The following TMEM232 variants were observed in gnomAD, a reference collection of about 807,000 sequenced individuals.
The protein encoded by TMEM232 is transmembrane protein 232.
Under a neutral mutation model 78.8 loss-of-function variants are expected in TMEM232, and 80 were observed. That is an observed-to-expected ratio of 1.01 (90% CI 0.85 to 1.22). The LOEUF is 1.22. Among genes scored for constraint, TMEM232 ranks in the 50% most tolerant of loss-of-function variants. The pLI, the probability that TMEM232 is intolerant of heterozygous loss-of-function variation, is 0.00. For synonymous variants in TMEM232, 297 were observed against 254.3 expected (o/e 1.17, Z -1.60); for missense variants, 881 against 742.2 (o/e 1.19, Z -2.17).
intron 12 of TMEM232, among the ~76,000 whole-genome samples, chr5:110,454,062 T>A (rs1760611823): frequency 6.6e-6 from 1 of 152,266 alleles, no homozygotes; most frequent in East Asian, 1.9e-4. Context: ...GTAATTATAC[T>A]TGGGTAGTTC....
At chr5:110,700,562 T>C (rs1322822561) in intron 1 of TMEM232, among the ~76,000 whole-genome samples, 2 of 151,996 alleles carry the variant, frequency 1.3e-5, no homozygotes, top group Non-Finnish European at 2.9e-5. Flanking sequence ...CATCTAAATG[T>C]GTCTGTTATT....
At chr5:110,517,245 T>G (rs1768811516) in intron 12 of TMEM232, among the ~76,000 whole-genome samples, 1 of 152,162 alleles carries the variant, frequency 6.6e-6, no homozygotes, top group African/African-American at 2.4e-5. Context: ...ATTCACTCTA[T>G]TAATTCGATT....
At chr5:110,559,417 G>A (rs1359215784) in intron 11 of TMEM232, among the ~76,000 whole-genome samples, 8 of 151,948 alleles carry the variant, frequency 5.3e-5, no homozygotes, top group Non-Finnish European at 1.0e-4. Context: ...CTAAAAAGTA[G>A]AAGAAAATAT....
At chr5:110,696,566 C>G (rs1794809566) in intron 1 of TMEM232, among the ~76,000 whole-genome samples, 1 of 152,134 alleles carries the variant, frequency 6.6e-6, no homozygotes, top group South Asian at 2.1e-4. Flanking sequence ...ATAGTCTCAG[C>G]CCAAAATCTC....
At chr5:110,678,695 C>A (rs1369322206) in intron 1 of TMEM232, among the ~76,000 whole-genome samples, 1 of 151,494 alleles carries the variant, frequency 6.6e-6, no homozygotes, top group African/African-American at 2.4e-5. Flanking sequence ...AGCACCCCGA[C>A]CCCCCACCAT....
At chr5:110,635,871 T>G (rs550184830) in intron 5 of TMEM232, among the ~76,000 whole-genome samples, 21 of 152,068 alleles carry the variant, frequency 1.4e-4, no homozygotes, top group East Asian at 3.9e-4. Context: ...AAACTAAAAA[T>G]AGAACTACCA....
intron 1 of TMEM232, among the ~76,000 whole-genome samples, chr5:110,714,478 TG>T (rs960618230): frequency 2.6e-5 from 4 of 152,172 alleles, no homozygotes. Context: ...ATTCTCAGTT[TG>T]GGGTAAGTTT....
In TMEM232 at chr5:110,714,579, T is replaced by C. The variant is rs187017031; in HGVS notation, c.-13+12048A>G. Among the ~76,000 whole-genome samples the C allele has an allele frequency of 3.1e-3, 472 of 152,272 alleles. 3 individuals carry two copies. Among genetic ancestry groups the C allele is most frequent in the African/African-American group, 0.011 (452 of 41,556 alleles). On this transcript the variant is annotated intron_variant, in intron 1 of 13. Transcript: ENST00000455884. Reference sequence around the variant, plus strand: ...GGTGTAATGTCTGTTATTTAACCTTTTAGTTGACACAATGTCCAATACACA... The same window carrying C: ...GGTGTAATGTCTGTTATTTAACCTTCTAGTTGACACAATGTCCAATACACA...
intron 2 of TMEM232, among the ~76,000 whole-genome samples, chr5:110,406,979 A>C (rs1472002188): frequency 1.3e-5 from 2 of 152,076 alleles, no homozygotes; most frequent in Non-Finnish European, 2.9e-5. Context: ...CCACAATGCA[A>C]AAATCTGAAA....
intron 12 of TMEM232, among the ~76,000 whole-genome samples, chr5:110,447,457 C>T (rs1184935957): frequency 6.6e-6 from 1 of 152,082 alleles, no homozygotes; most frequent in Non-Finnish European, 1.5e-5. Context: ...ATTTGTAAAT[C>T]TTATCTGTTG....
At chr5:110,693,673 C>T (rs1440256525) in intron 1 of TMEM232, among the ~76,000 whole-genome samples, 2 of 152,030 alleles carry the variant, frequency 1.3e-5, no homozygotes, top group Admixed American at 1.3e-4. Flanking sequence ...GCCTCAGTAG[C>T]CGATGTGATC....
chr5:110,629,849 A>G (rs1561417791), intron 5 of TMEM232, among the ~76,000 whole-genome samples: 2 of 152,180 alleles, frequency 1.3e-5, no homozygotes, highest in African/African-American at 2.4e-5. Context: ...GCAGAAGTCA[A>G]TCATTAAGAA....
Position 110,696,011 on chromosome 5 carries a change from T to A in TMEM232, c.-12-28647A>T, listed in dbSNP as rs188671467. ...CAGAGACAAAACAAAAAAAGAGAATTTTAGACCAATATTCCTGATGAACAT... is the reference window on the plus strand; with the variant it reads ...CAGAGACAAAACAAAAAAAGAGAATATTAGACCAATATTCCTGATGAACAT... On this transcript the variant is annotated intron_variant, in intron 1 of 13. Coordinates refer to ENST00000455884, the MANE Select transcript of TMEM232 (RefSeq NM_001039763.4). Among the ~76,000 whole-genome samples, 483 of 152,220 alleles carry A rather than the reference T, an allele frequency of 3.2e-3. 1 individual carries two copies. The highest frequency in any genetic ancestry group is 0.011 in the African/African-American group (464 of 41,530).
intron 11 of TMEM232, among the ~76,000 whole-genome samples, chr5:110,553,448 T>C (rs1774701480): frequency 6.6e-6 from 1 of 152,162 alleles, no homozygotes; most frequent in Non-Finnish European, 1.5e-5. Flanking sequence ...TTTTTCCCTG[T>C]TGAGCTGCAT....
chr5:110,636,212 C>A (rs142690968), intron 5 of TMEM232, among the ~76,000 whole-genome samples: 1,526 of 151,982 alleles, frequency 0.01, 35 homozygotes, highest in African/African-American at 0.034. Flanking sequence ...AAAAGACTTG[C>A]TCTCATGGAC....
chr5:110,424,844 C>T lies in TMEM232; in HGVS notation c.1776G>A (p.Leu592=), dbSNP rs1382739613. 1.0e-5 allele frequency: 16 copies of T among 1,548,258 alleles called. No individual in the cohort carries two copies. In the Admixed American group the frequency reaches 1.8e-4, roughly 17 times the overall value. ...PDFFTKADKE[L]AKIIDHHWQE... ...TTACGTGATGGTCAATGATTTTTGC[C>T]AACTCTTTATCTGCCTTGGTGAAGA... Residue 592 remains leucine, a synonymous_variant, in exon 13 of 14, where the codon TTG becomes TTA. Coordinates refer to ENST00000455884, the MANE Select transcript of TMEM232 (RefSeq NM_001039763.4).
intron 12 of TMEM232, among the ~76,000 whole-genome samples, chr5:110,494,212 C>A (rs531120479): frequency 6.6e-6 from 1 of 151,900 alleles, no homozygotes; most frequent in African/African-American, 2.4e-5. Flanking sequence ...TCATTAAAAC[C>A]ATAAAACTTC....
At chr5:110,494,256 A>G (rs1561567788) in intron 12 of TMEM232, among the ~76,000 whole-genome samples, 1 of 152,186 alleles carries the variant, frequency 6.6e-6, no homozygotes, top group Non-Finnish European at 1.5e-5. Flanking sequence ...ACAAATATAA[A>G]AAGCCAAATT....
At chr5:110,532,294 C>T (rs1313404653) in intron 11 of TMEM232, among the ~76,000 whole-genome samples, 1 of 151,768 alleles carries the variant, frequency 6.6e-6, no homozygotes, top group African/African-American at 2.4e-5. Context: ...CCCAGATCTT[C>T]TCGGCTTAGC....
Sources: allele counts gnomAD v4.1 joint callset (sites outside exome capture counted in the v4.1 genomes callset), GRCh38; gene constraint gnomAD v4.1.1; transcripts MANE v1.5; gene names NCBI Gene and HGNC (gene_info 2026-07-23, HGNC 2026-07-21).